The following GALK2 variants were observed in gnomAD, a reference collection of about 807,000 sequenced individuals.
The protein encoded by GALK2 is galactokinase 2, also known as N-acetylgalactosamine kinase.
In GALK2, 36 loss-of-function variants were observed where a neutral mutation model predicts 52.4. The observed-to-expected ratio is 0.69, with a 90% CI of 0.53 to 0.91. The LOEUF is 0.91. Among genes scored for constraint, GALK2 ranks in the 40% least tolerant of loss-of-function variants. The pLI is 0.00. For missense variants in GALK2, 579 were observed against 559.1 expected, an observed-to-expected ratio of 1.04 and a Z score of -0.36; for synonymous variants, 176 against 199.1, an observed-to-expected ratio of 0.88 and a Z score of 0.98.
intron 3 of GALK2, chr15:49,366,383 G>A (rs2045192549): frequency 2.5e-6 from 2 of 793,348 alleles, no homozygotes; most frequent in East Asian, 4.8e-5. Context: ...TGCATTTCTG[G>A]TGTTTTCAAG....
intron 1 of GALK2, among the ~76,000 whole-genome samples, chr15:49,183,847 A>G (rs893565781): frequency 1.4e-4 from 20 of 148,118 alleles, no homozygotes; most frequent in Middle Eastern, 3.5e-3. Flanking sequence ...TTGTCTCAGA[A>G]AAAAAAAAAA....
upstream of GALK2, among the ~76,000 whole-genome samples, chr15:49,169,727 G>T (rs894286349): frequency 1.3e-5 from 2 of 152,116 alleles, no homozygotes; most frequent in Non-Finnish European, 1.5e-5. Flanking sequence ...GTTCTAGGAA[G>T]GCCCACCAAT....
In GALK2 at chr15:49,328,190, T is replaced by C; in HGVS notation, c.*31T>C. The C allele has an allele frequency of 6.3e-7, 1 of 1,583,904 alleles. No individual in the cohort carries two copies. On this transcript the variant is annotated 3_prime_UTR_variant, in exon 10 of 10. Coordinates refer to ENST00000560031, the MANE Select transcript of GALK2 (RefSeq NM_002044.4). The stretch of plus-strand genomic sequence containing the variant: ...TGTAAAAAGTCTGAGAGAAACTACT[T>C]AGGGCACTTAGGAATTGGCAGGACT...
chr15:49,174,204 G>A (rs1240344380), intron 1 of GALK2, among the ~76,000 whole-genome samples: 2 of 152,082 alleles, frequency 1.3e-5, no homozygotes, highest in African/African-American at 4.8e-5. Flanking sequence ...TATATTCTCT[G>A]AGCATTCTTG....
intron 1 of GALK2, among the ~76,000 whole-genome samples, chr15:49,174,713 A>G (rs1225356461): frequency 6.6e-6 from 1 of 152,036 alleles, no homozygotes; most frequent in Non-Finnish European, 1.5e-5. Context: ...TTTTTAATAG[A>G]AACCATTTAT....
At chr15:49,335,782 AAGC>A (rs1212578635), downstream of GALK2, among the ~76,000 whole-genome samples, 9 of 152,216 alleles carry the variant, frequency 5.9e-5, no homozygotes, top group Admixed American at 2.6e-4. Flanking sequence ...TTTGTTTTAA[AAGC>A]AGCAACTTGT....
chr15:49,258,386 G>A (rs1263540753), intron 5 of GALK2, among the ~76,000 whole-genome samples: 2 of 152,034 alleles, frequency 1.3e-5, no homozygotes, highest in Non-Finnish European at 2.9e-5. Context: ...ATGAGGTAAC[G>A]TTTGAGCAGA....
At chr15:49,184,808 T>C (rs1477812622) in intron 1 of GALK2, among the ~76,000 whole-genome samples, 3 of 152,216 alleles carry the variant, frequency 2.0e-5, no homozygotes, top group Non-Finnish European at 4.4e-5. Flanking sequence ...TCATATCTTA[T>C]TGTCTATGTC....
intron 8 of GALK2, among the ~76,000 whole-genome samples, chr15:49,298,778 A>G (rs1357592176): frequency 6.6e-6 from 1 of 152,162 alleles, no homozygotes; most frequent in African/African-American, 2.4e-5. Context: ...GTGGTGGACT[A>G]GCTTTGTGAT....
In GALK2 at chr15:49,204,064, G is replaced by A. The variant is rs1327287952; in HGVS notation, c.142+2814G>A. Among the ~76,000 whole-genome samples the A allele has an allele frequency of 8.2e-5, 12 of 146,080 alleles. No individual in the cohort carries two copies. The Admixed American group carries it at 8.3e-4, about 10-fold the overall frequency. ...TGGGAGGCGGAGGCTGCAGTGAGCC[G>A]AGATCAAACCACTACTGCACTCCAG... On this transcript the variant is annotated intron_variant, in intron 2 of 9. Transcript: ENST00000560031.
At chr15:49,265,158 G>C (rs1004992049) in intron 5 of GALK2, among the ~76,000 whole-genome samples, 3 of 152,176 alleles carry the variant, frequency 2.0e-5, no homozygotes, top group Admixed American at 1.3e-4. Context: ...CTTTTTGTCT[G>C]TGCCCTTCCC....
intron 3 of GALK2, among the ~76,000 whole-genome samples, chr15:49,358,822 A>G (rs2043652543): frequency 6.6e-6 from 1 of 152,060 alleles, no homozygotes; most frequent in Admixed American, 6.6e-5. Context: ...ACATCACACT[A>G]CCTGACTTCA....
At chr15:49,205,372 C>T (rs780907738) in intron 2 of GALK2, among the ~76,000 whole-genome samples, 1 of 152,122 alleles carries the variant, frequency 6.6e-6, no homozygotes, top group Admixed American at 6.5e-5. Context: ...CCCTGTTCAC[C>T]ACATCCACAC....
At chr15:49,177,761 TG>T in intron 1 of GALK2, 1 of 756,416 alleles carries the variant, frequency 1.3e-6, no homozygotes. Flanking sequence ...ACTGGTTTGG[TG>T]ATCCACTGGG....
At chr15:49,160,631 G>A (rs745832150) in intron 1 of GALK2, among the ~76,000 whole-genome samples, 1 of 152,088 alleles carries the variant, frequency 6.6e-6, no homozygotes, top group African/African-American at 2.4e-5. Context: ...TTGGGAGGCC[G>A]AGGTGGGTGG....
chr15:49,192,319 G>A (rs1278793962), intron 1 of GALK2, among the ~76,000 whole-genome samples: 3 of 151,510 alleles, frequency 2.0e-5, no homozygotes, highest in African/African-American at 4.8e-5. Flanking sequence ...TCTGGAAGTC[G>A]CTAGATCAAC....
intron 5 of GALK2, among the ~76,000 whole-genome samples, chr15:49,248,055 T>C (rs1487744001): frequency 6.6e-6 from 1 of 152,220 alleles, no homozygotes; most frequent in African/African-American, 2.4e-5. Flanking sequence ...TTTTCACTTT[T>C]CTGAGTTTAC....
intron 3 of GALK2, among the ~76,000 whole-genome samples, chr15:49,341,125 G>A: frequency 6.6e-6 from 1 of 152,106 alleles, no homozygotes. Flanking sequence ...CAGTCTATGT[G>A]TCTGTTGTTG....
downstream of GALK2, chr15:49,334,386 T>G: frequency 1.3e-5 from 3 of 238,556 alleles, no homozygotes; most frequent in Non-Finnish European, 2.0e-5. Flanking sequence ...ATACACGTGT[T>G]AGTAAAAGCC....
Sources: gnomAD v4.1 joint callset for allele counts (sites outside exome capture counted in the v4.1 genomes callset) on GRCh38, gnomAD v4.1.1 for gene constraint, MANE v1.5 for transcripts, NCBI Gene and HGNC (gene_info 2026-07-23, HGNC 2026-07-21) for gene names.